Variants in CSMD2 observed in about 807,000 individuals in gnomAD.
CSMD2 encodes CUB and Sushi multiple domains 2.
A neutral mutation model predicts 398.5 loss-of-function variants in CSMD2; 130 were observed. The ratio of observed to expected loss-of-function variants is 0.33; its 90% CI spans 0.28 to 0.38. The LOEUF is 0.38. Among genes scored for constraint, CSMD2 ranks in the 10% least tolerant of loss-of-function variants. The probability of loss-of-function intolerance (pLI) is 1.00; values close to 1 mark genes in which losing one functional copy is unlikely to be tolerated. For synonymous variants in CSMD2, 1,828 were observed against 1,908.5 expected (o/e 0.96, Z 1.10); for missense variants, 3,829 against 4,764.9 (o/e 0.80, Z 5.78).
At chr1:33,520,448 T>C (rs1238332693) in intron 68 of CSMD2, among the ~76,000 whole-genome samples, 1 of 152,194 alleles carries the variant, frequency 6.6e-6, no homozygotes. Flanking sequence ...AAGTAGAAAC[T>C]GTGGCCCCAG....
chr1:33,536,238 T>G (rs775321124), intron 62 of CSMD2, among the ~76,000 whole-genome samples: 6 of 152,336 alleles, frequency 3.9e-5, no homozygotes, highest in Non-Finnish European at 7.4e-5. Flanking sequence ...CTTCTTTTTT[T>G]TCTGAGACCG....
intron 5 of CSMD2, among the ~76,000 whole-genome samples, chr1:33,869,999 T>A (rs547314631): frequency 5.2e-4 from 79 of 152,320 alleles, no homozygotes; most frequent in African/African-American, 1.9e-3. Context: ...TGCAAAACAA[T>A]CAACTGGCAT....
intron 3 of CSMD2, among the ~76,000 whole-genome samples, chr1:33,990,934 G>C (rs1646531807): frequency 6.6e-6 from 1 of 151,764 alleles, no homozygotes; most frequent in Non-Finnish European, 1.5e-5. Context: ...ACTTATAATA[G>C]AATATCGTAT....
At chr1:33,706,495 T>G (rs1431180895) in intron 22 of CSMD2, among the ~76,000 whole-genome samples, 2 of 152,232 alleles carry the variant, frequency 1.3e-5, no homozygotes, top group Non-Finnish European at 2.9e-5. Context: ...TTCTCTCAAA[T>G]TCTCTTAAGA....
At chr1:34,123,065 T>G (rs570008778) in intron 1 of CSMD2, among the ~76,000 whole-genome samples, 50 of 152,344 alleles carry the variant, frequency 3.3e-4, no homozygotes, top group African/African-American at 1.1e-3. Flanking sequence ...CTGTAGTTCC[T>G]AACTCCTAAA....
intron 2 of CSMD2, among the ~76,000 whole-genome samples, chr1:34,061,555 C>A (rs1450956386): frequency 1.3e-5 from 2 of 152,132 alleles, no homozygotes; most frequent in Admixed American, 1.3e-4. Flanking sequence ...AATCCCAGCA[C>A]CACCACTTAT....
At chr1:34,129,974 T>C (rs1663165251) in intron 1 of CSMD2, among the ~76,000 whole-genome samples, 1 of 152,190 alleles carries the variant, frequency 6.6e-6, no homozygotes, top group South Asian at 2.1e-4. Context: ...CTCACAGGCA[T>C]GCTGGGAAAA....
chr1:33,898,171 A>G (rs1642515573), intron 5 of CSMD2, among the ~76,000 whole-genome samples: 1 of 152,046 alleles, frequency 6.6e-6, no homozygotes, highest in Admixed American at 6.5e-5. Flanking sequence ...TGCTATTACT[A>G]TTTCTCTTGC....
chr1:33,805,690 T>C (rs1656147922), intron 10 of CSMD2, among the ~76,000 whole-genome samples: 1 of 151,760 alleles, frequency 6.6e-6, no homozygotes, highest in South Asian at 2.1e-4. Context: ...GGTGTCCTTA[T>C]GGGAAGGGGA....
In CSMD2 at chr1:34,164,653, C is replaced by T. The variant is rs1047177469; in HGVS notation, c.187+258G>A. On this transcript the variant is annotated intron_variant, in intron 1 of 70. Coordinates refer to ENST00000373381, the MANE Select transcript of CSMD2 (RefSeq NM_001281956.2). The surrounding 1 kb of genome is among the most constrained non-coding windows in gnomAD (Gnocchi z 6.2). ...GGCGGGGATGTCTGTCTCCCAGGCC[C>T]CCACACCGGCCGCATCCGTCCAAGT... is the stretch of plus-strand genomic sequence containing the variant. 9.9e-5 allele frequency among the ~76,000 whole-genome samples: 15 copies of T among 152,090 alleles called. No individual in the cohort carries two copies. The highest frequency in any genetic ancestry group is 9.8e-4 in the Admixed American group (15 of 15,284).
intron 2 of CSMD2, among the ~76,000 whole-genome samples, chr1:34,087,916 A>C (rs1190346732): frequency 6.6e-6 from 1 of 152,114 alleles, no homozygotes; most frequent in Non-Finnish European, 1.5e-5. Flanking sequence ...GCTGAACCTC[A>C]AGGGAAGATG....
intron 64 of CSMD2, among the ~76,000 whole-genome samples, chr1:33,532,307 A>G (rs1409248260): frequency 6.6e-6 from 1 of 152,256 alleles, no homozygotes; most frequent in African/African-American, 2.4e-5. Context: ...GAGTTGAAAC[A>G]TACAAAGCAT....
chr1:33,878,041 A>G (rs1640962298), intron 5 of CSMD2: 1 of 152,156 alleles, frequency 6.6e-6, no homozygotes, highest in Non-Finnish European at 1.5e-5. Context: ...AAGGTCAGGC[A>G]GACTCAGGGG....
chr1:34,110,267 A>G (rs1169528158), intron 1 of CSMD2, among the ~76,000 whole-genome samples: 2 of 152,108 alleles, frequency 1.3e-5, no homozygotes, highest in Non-Finnish European at 2.9e-5. Flanking sequence ...TAGTTCAACC[A>G]TTGTAGAAAG....
In CSMD2 at chr1:33,715,602, G is replaced by A. The variant is rs201310053; in HGVS notation, c.3217+684C>T. On this transcript the variant is annotated intron_variant, in intron 20 of 70. Coordinates refer to ENST00000373381, the MANE Select transcript of CSMD2 (RefSeq NM_001281956.2). ...CATTGGAGGCCTGGCAGGGGACTAA[G>A]CTGGGCCACACCCCAGTTCCTAGAA... Among the ~76,000 whole-genome samples the A allele has an allele frequency of 9.2e-5, 14 of 152,316 alleles. No homozygotes were observed. In the East Asian group the frequency reaches 2.7e-3, roughly 29 times the overall value.
rs557810648 is a variant in CSMD2, at chr1:33,661,867, C to T, written c.4255+1023G>A. Among the ~76,000 whole-genome samples the T allele has an allele frequency of 5.9e-5, 9 of 152,262 alleles. No homozygotes were observed. In the South Asian group the frequency reaches 1.7e-3, roughly 28 times the overall value. On this transcript the variant is annotated intron_variant, in intron 26 of 70. Coordinates refer to ENST00000373381, the MANE Select transcript of CSMD2 (RefSeq NM_001281956.2). ...CTGATACACCAACTGGGAAAGAGCT[C>T]GGGGGCAAAGCCACGGCACAGGTGC...
chr1:33,788,578 C>G (rs1027967213), intron 12 of CSMD2, 22 bp downstream of exon 12: 9 of 1,338,426 alleles, frequency 6.7e-6, no homozygotes, highest in African/African-American at 2.9e-5. Flanking sequence ...CACAGTTCAT[C>G]TGGCTTGCCA....
intron 1 of CSMD2, among the ~76,000 whole-genome samples, chr1:34,126,985 T>A (rs932269831): frequency 6.6e-6 from 1 of 150,604 alleles, no homozygotes; most frequent in East Asian, 2.0e-4. Flanking sequence ...CAACGGCAGA[T>A]AGAGAGTGAG....
chr1:34,082,007 CA>C (rs1486155568), intron 2 of CSMD2, among the ~76,000 whole-genome samples: 1 of 151,282 alleles, frequency 6.6e-6, no homozygotes, highest in African/African-American at 2.4e-5. Context: ...CCCCTCTGCC[CA>C]GCCGCCCAGT....
Sources: allele counts gnomAD v4.1 joint callset (sites outside exome capture counted in the v4.1 genomes callset), GRCh38; gene constraint gnomAD v4.1.1; non-coding constraint Gnocchi (gnomAD v3.1); transcripts MANE v1.5; gene names NCBI Gene and HGNC (gene_info 2026-07-23, HGNC 2026-07-21).